IGF2R: variants seen among roughly 807,000 people sequenced by gnomAD.
IGF2R encodes the protein insulin like growth factor 2 receptor.
IGF2R carries 91 observed loss-of-function variants against 270.6 expected under a neutral mutation model. The ratio of observed to expected loss-of-function variants is 0.34; its 90% CI spans 0.28 to 0.40. The LOEUF (loss-of-function observed/expected upper bound fraction) is 0.40, where lower values mean the gene tolerates loss of function less well. IGF2R is among the 10% of genes least tolerant of loss of function. IGF2R has a pLI of 1.00. For missense variants in IGF2R, 2,805 were observed against 3,188.3 expected (o/e 0.88, Z 2.90); for synonymous variants, 1,316 against 1,258.9 (o/e 1.05, Z -0.96).
At chr6:160,041,376 G>T (rs548510461) in intron 11 of IGF2R, among the ~76,000 whole-genome samples, 18 of 152,224 alleles carry the variant, frequency 1.2e-4, no homozygotes, top group African/African-American at 4.3e-4. Flanking sequence ...TTACCACCCA[G>T]AACAGTCACA....
intron 2 of IGF2R, among the ~76,000 whole-genome samples, chr6:159,992,133 G>C (rs1381685177): frequency 2.0e-5 from 3 of 152,216 alleles, no homozygotes; most frequent in African/African-American, 7.2e-5. Context: ...TATGACTAGG[G>C]ACTGTCTGAT....
intron 35 of IGF2R, among the ~76,000 whole-genome samples, chr6:160,075,396 G>A (rs1204469047): frequency 6.6e-6 from 1 of 152,210 alleles, no homozygotes; most frequent in Admixed American, 6.5e-5. Context: ...TCAGTGGGCA[G>A]TCCCGGGGCA....
intron 4 of IGF2R, among the ~76,000 whole-genome samples, chr6:160,018,174 C>G (rs1260637532): frequency 6.6e-6 from 1 of 151,790 alleles, no homozygotes; most frequent in Non-Finnish European, 1.5e-5. Context: ...AAAAGATATT[C>G]CAGGCAAATG....
intron 39 of IGF2R, among the ~76,000 whole-genome samples, chr6:160,080,499 G>C (rs1241115554): frequency 1.3e-5 from 2 of 152,220 alleles, no homozygotes; most frequent in African/African-American, 4.8e-5. Context: ...GTGAGATGCT[G>C]TGCTGGGTGG....
At chr6:160,059,606 C>G (rs889218085) in intron 22 of IGF2R, among the ~76,000 whole-genome samples, 1 of 152,208 alleles carries the variant, frequency 6.6e-6, no homozygotes, top group African/African-American at 2.4e-5. Context: ...TCTGAAACAT[C>G]ACATCATATC....
chr6:159,985,481 T>C (rs1279358470), intron 1 of IGF2R, among the ~76,000 whole-genome samples: 4 of 152,206 alleles, frequency 2.6e-5, no homozygotes, highest in Admixed American at 6.5e-5. Flanking sequence ...TTGGCTCACA[T>C]GTTAGCTGTG....
At chr6:160,060,884 G>A (rs756681172) in intron 23 of IGF2R, among the ~76,000 whole-genome samples, 167 bp downstream of exon 23, 7 of 152,202 alleles carry the variant, frequency 4.6e-5, no homozygotes, top group Non-Finnish European at 5.9e-5. Context: ...TTTGAATGAT[G>A]CCTAGAGTTG....
chr6:160,060,452 C>A, intron 22 of IGF2R, 95 bp from the exon 23 acceptor site: 1 of 1,230,618 alleles, frequency 8.1e-7, no homozygotes, highest in Non-Finnish European at 1.2e-6. Context: ...AAGCTTGTTG[C>A]CAGTGGCAGC....
intron 1 of IGF2R, among the ~76,000 whole-genome samples, chr6:159,986,437 T>TGGG (rs1562333046): frequency 6.9e-6 from 1 of 144,656 alleles, no homozygotes; most frequent in Admixed American, 6.8e-5. Context: ...TGTGTTTTTT[T>TGGG]TTTTTTTTTA....
At chr6:159,976,927 C>T (rs916211375) in intron 1 of IGF2R, among the ~76,000 whole-genome samples, 12 of 152,194 alleles carry the variant, frequency 7.9e-5, no homozygotes, top group Admixed American at 5.9e-4. Context: ...TGCTGTTCAG[C>T]TTTTCTTTGC....
Position 160,050,483 on chromosome 6 carries a change from C to A in IGF2R, c.2525C>A (p.Thr842Asn). The A allele has an allele frequency of 6.2e-7, 1 of 1,611,494 alleles. No homozygotes were observed. The highest frequency in any genetic ancestry group is 8.5e-7 in the Non-Finnish European group (1 of 1,177,832). Reference sequence around the variant, plus strand: ...CTGGTTTTCTTGCAGGGCTCCTTCACTGAAGTGGTTTCCATCAGTAACTTG... The same window carrying A: ...CTGGTTTTCTTGCAGGGCTCCTTCAATGAAGTGGTTTCCATCAGTAACTTG... Reference protein sequence around the residue: ...MKYEKDQGSFTEVVSISNLGM... With the variant: ...MKYEKDQGSFNEVVSISNLGM... The change falls in exon 19 of 48, where the codon ACT (threonine) becomes AAT (asparagine). Residue 842 changes from threonine (T) to asparagine (N), a missense_variant. By Grantham distance (65) the Thr-to-Asn change is moderately conservative. This residue lies in a region of IGF2R where 1,851 missense variants were observed against 2,207.2 expected (regional missense o/e 0.84). Transcript: ENST00000356956. The surrounding 1 kb of genome is among the most constrained non-coding windows in gnomAD (Gnocchi z 4.0).
rs1420697726 is a variant in IGF2R at position 160,072,796 on chromosome 6, C to T, written c.4602C>T (p.Gly1534=). 2 of 1,614,058 alleles carry T rather than the reference C, an allele frequency of 1.2e-6. No individual in the cohort carries two copies. Among genetic ancestry groups the T allele is most frequent in the African/African-American group, 2.7e-5 (2 of 74,940 alleles). ...GHLFDLSSLS[G]RAGFTAAYSE... ...TGTTTGATCTGAGCTCCTTAAGTGGCAGGGCGGGATTCACAGCTGCTTACA... is the reference window on the plus strand; with the variant it reads ...TGTTTGATCTGAGCTCCTTAAGTGGTAGGGCGGGATTCACAGCTGCTTACA... Residue 1534 remains glycine (G), a synonymous_variant, in exon 33 of 48, where the codon GGC becomes GGT. Transcript: ENST00000356956.
intron 7 of IGF2R, among the ~76,000 whole-genome samples, chr6:160,031,957 A>T (rs1005735405): frequency 5.3e-5 from 8 of 152,134 alleles, no homozygotes; most frequent in Admixed American, 1.3e-4. Context: ...CCTGCTCTGT[A>T]GAAGCAACAC....
Position 159,969,235 on chromosome 6 carries a change from G to C in IGF2R, c.-12G>C, listed in dbSNP as rs1783567604. ...TAGCCTCGCGCCCGCCGCGCAGTCC[G>C]GGCCCGGCGCGATGGGGGCCGCCGC... On this transcript the variant is annotated 5_prime_UTR_variant, in exon 1 of 48. Coordinates refer to ENST00000356956, the MANE Select transcript of IGF2R (RefSeq NM_000876.4). 1 of 1,002,146 alleles carries C rather than the reference G, an allele frequency of 1.0e-6. No homozygotes were observed. The highest frequency in any genetic ancestry group is 1.2e-6 in the Non-Finnish European group (1 of 843,256). The allele number at this position is 1,002,146 out of a possible 1,614,324, so 62.1% of individuals were successfully genotyped here.
At chr6:159,980,239 G>GAGAGAGA (rs1562330724) in intron 1 of IGF2R, among the ~76,000 whole-genome samples, 1 of 145,874 alleles carries the variant, frequency 6.9e-6, no homozygotes, top group African/African-American at 2.6e-5. Context: ...AAGAAAGAAA[G>GAGAGAGA]GTACATGGAA....
At chr6:160,021,471 A>T (rs1025239894) in intron 4 of IGF2R, among the ~76,000 whole-genome samples, 3 of 149,808 alleles carry the variant, frequency 2.0e-5, no homozygotes, top group Middle Eastern at 3.4e-3. Flanking sequence ...GAGGGATAGC[A>T]TTAGGAGATA....
At chr6:159,970,046 T>C (rs1259994448) in intron 1 of IGF2R, among the ~76,000 whole-genome samples, 1 of 152,176 alleles carries the variant, frequency 6.6e-6, no homozygotes, top group African/African-American at 2.4e-5. Context: ...CCTTCACTTC[T>C]CTGAGCCCAA....
chr6:160,077,153 A>T (rs958901789), intron 36 of IGF2R, among the ~76,000 whole-genome samples: 1 of 152,184 alleles, frequency 6.6e-6, no homozygotes, highest in African/African-American at 2.4e-5. Flanking sequence ...AAGCCCTTGG[A>T]TGTGTTCATG....
In IGF2R at chr6:159,980,254, C is replaced by T. The variant is rs10455860; in HGVS notation, c.149+10859C>T. Among the ~76,000 whole-genome samples the T allele has an allele frequency of 9.2e-3, 1,075 of 116,764 alleles. 57 individuals are homozygous for T. Among genetic ancestry groups the T allele is most frequent in the African/African-American group, 0.028 (954 of 34,232 alleles). 76.6% of individuals were successfully genotyped at this position (116,764 alleles called of 152,430 possible). A position where few individuals can be genotyped will look rare whatever the true frequency, so the allele number is the denominator to read the frequency against. On this transcript the variant is annotated intron_variant, in intron 1 of 47. Transcript: ENST00000356956. Reference sequence around the variant, plus strand: ...AAGAAAGAAAGGTACATGGAAGATTCGATTGCTTGGATTGCCTTAGGGAAC... The same window carrying T: ...AAGAAAGAAAGGTACATGGAAGATTTGATTGCTTGGATTGCCTTAGGGAAC...
Sources: gnomAD v4.1 joint callset for allele counts (sites outside exome capture counted in the v4.1 genomes callset) on GRCh38, gnomAD v4.1.1 for gene constraint, gnomAD v4.1.1 regional missense constraint, Gnocchi (gnomAD v3.1) non-coding constraint, MANE v1.5 for transcripts, NCBI Gene and HGNC (gene_info 2026-07-23, HGNC 2026-07-21) for gene names.